Variants in PTPRK observed in about 807,000 individuals in gnomAD.
PTPRK encodes the protein protein tyrosine phosphatase receptor type K.
Under a neutral mutation model 178.0 loss-of-function variants are expected in PTPRK, and 75 were observed. That is an observed-to-expected ratio of 0.42 (90% CI 0.35 to 0.51). The LOEUF (loss-of-function observed/expected upper bound fraction) is 0.51. PTPRK is among the 20% of genes least tolerant of loss of function. The pLI is 0.02. For synonymous variants in PTPRK, 637 were observed against 620.6 expected (o/e 1.03, Z -0.39); for missense variants, 1,441 against 1,797.8 (o/e 0.80, Z 3.59).
intron 3 of PTPRK, among the ~76,000 whole-genome samples, chr6:128,271,490 G>C (rs1005322973): frequency 6.6e-6 from 1 of 152,082 alleles, no homozygotes; most frequent in Admixed American, 6.6e-5. Context: ...GAAAATGGCT[G>C]ATAAAACCAA....
At chr6:128,243,832 T>C (rs1814958009) in intron 3 of PTPRK, among the ~76,000 whole-genome samples, 1 of 152,230 alleles carries the variant, frequency 6.6e-6, no homozygotes, top group African/African-American at 2.4e-5. Flanking sequence ...AAAGCATTTT[T>C]TAAAATGTAA....
intron 7 of PTPRK, among the ~76,000 whole-genome samples, chr6:128,180,657 A>G (rs756587456): frequency 2.0e-5 from 3 of 152,130 alleles, no homozygotes; most frequent in Admixed American, 1.3e-4. Context: ...AGGATAAAGT[A>G]CTTTTACACT....
chr6:128,282,342 T>C lies in PTPRK; in HGVS notation c.495+39697A>G, dbSNP rs78460615. Among the ~76,000 whole-genome samples the C allele has an allele frequency of 9.8e-4, 150 of 152,346 alleles. 1 individual carries two copies. In the East Asian group the frequency reaches 0.023, roughly 24 times the overall value. ...AGTCAATCAAGCTATTATATACATG[T>C]AGATGAGTCACACACAAGCCAGAGG... On this transcript the variant is annotated intron_variant, in intron 3 of 29. Transcript: ENST00000368226.
Position 128,470,259 on chromosome 6 carries a change from C to CATATATATATATATATATATATAT in PTPRK, c.100+49999_100+50000insATATATATATATATATATATATAT, listed in dbSNP as rs34303350. On this transcript the variant is annotated intron_variant, in intron 1 of 29. Transcript: ENST00000368226. ...TTATTCATCCTTGGGTCTCAGTTTT[C>CATATATATATATATATATATATAT]ATATATATATATATATATGAGTTTA... Among the ~76,000 whole-genome samples, 375 of 147,726 alleles carry CATATATATATATATATATATATAT rather than the reference C, an allele frequency of 2.5e-3. 4 individuals are homozygous for CATATATATATATATATATATATAT. Among genetic ancestry groups the CATATATATATATATATATATATAT allele is most frequent in the African/African-American group, 9.0e-3 (361 of 39,954 alleles).
At chr6:128,145,160 A>G (rs190762624) in intron 7 of PTPRK, among the ~76,000 whole-genome samples, 4 of 152,318 alleles carry the variant, frequency 2.6e-5, no homozygotes, top group African/African-American at 9.6e-5. Context: ...AACAATTAAA[A>G]GGCACTGCCT....
At chr6:128,256,285 T>A (rs1052764245) in intron 3 of PTPRK, among the ~76,000 whole-genome samples, 3 of 152,122 alleles carry the variant, frequency 2.0e-5, no homozygotes, top group African/African-American at 7.2e-5. Flanking sequence ...CTTTGAAACA[T>A]CCTTCATTAA....
chr6:128,106,641 C>A (rs1289042369), intron 7 of PTPRK, among the ~76,000 whole-genome samples: 1 of 152,168 alleles, frequency 6.6e-6, no homozygotes, highest in Non-Finnish European at 1.5e-5. Context: ...TGGGCCTACC[C>A]ACTCATTTTC....
intron 3 of PTPRK, among the ~76,000 whole-genome samples, chr6:128,304,858 T>C (rs894075621): frequency 6.6e-6 from 1 of 151,216 alleles, no homozygotes; most frequent in African/African-American, 2.4e-5. Flanking sequence ...AAGAAACTAT[T>C]TTTTTAATAA....
Position 128,322,107 on chromosome 6 carries a change from C to G in PTPRK, c.427G>C (p.Gly143Arg). 6.2e-7 allele frequency: 1 copy of G among 1,613,930 alleles called. No homozygotes were observed. Among genetic ancestry groups the G allele is most frequent in the Non-Finnish European group, 8.5e-7 (1 of 1,179,906 alleles). The change falls in exon 3 of 30, where the codon GGA becomes CGA. Residue 143 changes from glycine (G) to arginine (R), a missense_variant. Gly to Arg is a moderately radical substitution (Grantham distance 125). This residue lies in a region of PTPRK where 158 missense variants were observed against 188.0 expected (regional missense o/e 0.84). Transcript: ENST00000368226. The part of the protein sequence containing the change: ...PLANPIWNVT[G>R]FTGRDWLRAE... ...CGAAGCCAATCTCTACCCGTGAATC[C>G]AGTCACATTCCAAATTGGATTGGCA...
intron 3 of PTPRK, among the ~76,000 whole-genome samples, chr6:128,299,481 G>T (rs1471760412): frequency 6.6e-6 from 1 of 151,770 alleles, no homozygotes; most frequent in Non-Finnish European, 1.5e-5. Context: ...ATACTACAAG[G>T]CTACAGTAAC....
chr6:128,366,112 A>AG (rs965239086), intron 2 of PTPRK, among the ~76,000 whole-genome samples: 4 of 152,250 alleles, frequency 2.6e-5, no homozygotes, highest in African/African-American at 9.6e-5. Flanking sequence ...TTGTCAGTAA[A>AG]GGGTCACACA....
chr6:128,443,382 G>A (rs9491949), intron 1 of PTPRK, among the ~76,000 whole-genome samples: 3,249 of 152,028 alleles, frequency 0.021, 125 homozygotes, highest in African/African-American at 0.074. Flanking sequence ...TAAGGGATGC[G>A]GAGACTAGAA....
chr6:128,325,884 G>A lies in PTPRK; in HGVS notation c.224-3574C>T, dbSNP rs2128323106. 2.0e-5 allele frequency among the ~76,000 whole-genome samples: 3 copies of A among 152,198 alleles called. 1 individual carries two copies. In the Middle Eastern group the frequency reaches 0.01, roughly 518 times the overall value. On this transcript the variant is annotated intron_variant, in intron 2 of 29. Transcript: ENST00000368226. ...CACAGGCACACGTATGTTTACTGCA[G>A]CACTATTCACAATAGCAAAGACTTG...
chr6:128,488,484 G>A (rs922643977), intron 1 of PTPRK, among the ~76,000 whole-genome samples: 1 of 152,158 alleles, frequency 6.6e-6, no homozygotes, highest in African/African-American at 2.4e-5. Flanking sequence ...TCTGGATGCT[G>A]TTATCAGAAT....
At position 128,272,799 on chromosome 6, in the gene PTPRK, G is replaced by A. The variant is rs535114403; in HGVS notation, c.496-30197C>T. ...GTTCAACCATTGTGGAAGACAGTGT[G>A]GTGATTCCTCAAGGATCTAGAACTA... On this transcript the variant is annotated intron_variant, in intron 3 of 29. Coordinates refer to ENST00000368226, the MANE Select transcript of PTPRK (RefSeq NM_002844.4). Among the ~76,000 whole-genome samples the A allele has an allele frequency of 1.8e-4, 27 of 152,244 alleles. No individual in the cohort carries two copies. In the South Asian group the frequency reaches 5.2e-3, roughly 29 times the overall value.
intron 10 of PTPRK, among the ~76,000 whole-genome samples, chr6:128,082,228 A>C (rs1784954763): frequency 1.3e-5 from 2 of 152,182 alleles, no homozygotes; most frequent in Admixed American, 6.6e-5. Context: ...GACCACTGTC[A>C]ATCAAAAGTG....
chr6:128,300,251 C>T lies in PTPRK; in HGVS notation c.495+21788G>A, dbSNP rs181146908. On this transcript the variant is annotated intron_variant, in intron 3 of 29. Coordinates refer to ENST00000368226, the MANE Select transcript of PTPRK (RefSeq NM_002844.4). ...GTGCTGGAGAGGATATGGAGAAGTA[C>T]GAACACTTTTACACTCTTGGTGGGA... Among the ~76,000 whole-genome samples, 359 of 151,914 alleles carry T rather than the reference C, an allele frequency of 2.4e-3. 2 individuals are homozygous for T. Among genetic ancestry groups the T allele is most frequent in the African/African-American group, 8.1e-3 (337 of 41,442 alleles).
chr6:128,496,039 A>T (rs1854606413), intron 1 of PTPRK, among the ~76,000 whole-genome samples: 1 of 152,192 alleles, frequency 6.6e-6, no homozygotes, highest in South Asian at 2.1e-4. Context: ...GACTTTCCAA[A>T]CTTAGGATTA....
rs184332632 is a variant in PTPRK, at chr6:128,232,440, A to G, written c.693+7595T>C. On this transcript the variant is annotated intron_variant, in intron 5 of 29. Transcript: ENST00000368226. ...CTCAAATGTCTTCTACATCTCTAGC[A>G]TATGCTTACCCAGATTATGCTTGGA... 4.6e-5 allele frequency among the ~76,000 whole-genome samples: 7 copies of G among 152,334 alleles called. No homozygotes were observed. The East Asian group carries it at 1.4e-3, about 29-fold the overall frequency.
Sources: gnomAD v4.1 joint callset for allele counts (sites outside exome capture counted in the v4.1 genomes callset) on GRCh38, gnomAD v4.1.1 for gene constraint, gnomAD v4.1.1 regional missense constraint, MANE v1.5 for transcripts, NCBI Gene and HGNC (gene_info 2026-07-23, HGNC 2026-07-21) for gene names.